Variants in EPHA6 observed in about 807,000 individuals in gnomAD.
EPHA6 encodes EPH receptor A6.
In EPHA6, 50 loss-of-function variants were observed where a neutral mutation model predicts 112.0. The ratio of observed to expected loss-of-function variants is 0.45; its 90% CI spans 0.36 to 0.56. The LOEUF (loss-of-function observed/expected upper bound fraction) is 0.56, where lower values mean the gene tolerates loss of function less well. Among genes scored for constraint, EPHA6 ranks in the 20% least tolerant of loss-of-function variants. The pLI, the probability that EPHA6 is intolerant of heterozygous loss-of-function variation, is 0.00. For synonymous variants in EPHA6, 529 were observed against 490.7 expected (o/e 1.08, Z -1.03); for missense variants, 1,280 against 1,417.4 (o/e 0.90, Z 1.56).
chr3:97,187,325 C>G (rs1009594840), intron 3 of EPHA6, among the ~76,000 whole-genome samples: 14 of 151,856 alleles, frequency 9.2e-5, no homozygotes, highest in Admixed American at 8.5e-4. Context: ...CGCCTGTATT[C>G]CCAGCACATT....
chr3:96,863,474 T>C (rs533895977), intron 1 of EPHA6, among the ~76,000 whole-genome samples: 1 of 152,128 alleles, frequency 6.6e-6, no homozygotes, highest in East Asian at 1.9e-4. Context: ...TATTGAAATA[T>C]AATTCACCTG....
At chr3:97,378,491 C>T (rs1170345842) in intron 5 of EPHA6, among the ~76,000 whole-genome samples, 1 of 152,168 alleles carries the variant, frequency 6.6e-6, no homozygotes. Flanking sequence ...ATCCTCCAGA[C>T]CCCAGAATGG....
chr3:97,467,764 G>A (rs1435759362), intron 7 of EPHA6, among the ~76,000 whole-genome samples: 2 of 151,592 alleles, frequency 1.3e-5, no homozygotes, highest in Admixed American at 6.6e-5. Context: ...CGTAGTTTCA[G>A]GTGTTTAAAT....
At chr3:96,879,935 T>A (rs188834843) in intron 2 of EPHA6, among the ~76,000 whole-genome samples, 14 of 152,086 alleles carry the variant, frequency 9.2e-5, no homozygotes, top group Admixed American at 9.2e-4. Context: ...AGGTATAAGA[T>A]GATATCATCA....
At chr3:97,067,537 A>AAAAT (rs367854738) in intron 3 of EPHA6, among the ~76,000 whole-genome samples, 15 of 148,016 alleles carry the variant, frequency 1.0e-4, no homozygotes, top group African/African-American at 3.7e-4. Flanking sequence ...TTATCAGGAA[A>AAAAT]ATATATATAT....
At chr3:97,444,159 G>T (rs971170414) in intron 6 of EPHA6, among the ~76,000 whole-genome samples, 5 of 151,980 alleles carry the variant, frequency 3.3e-5, no homozygotes, top group Non-Finnish European at 5.9e-5. Context: ...TATGATTGTT[G>T]TTATATCTTT....
At chr3:97,220,034 CA>C (rs1312671502) in intron 3 of EPHA6, among the ~76,000 whole-genome samples, 1 of 152,216 alleles carries the variant, frequency 6.6e-6, no homozygotes, top group Non-Finnish European at 1.5e-5. Context: ...ATCTCTAGGA[CA>C]GGAGCAAAAT....
chr3:96,904,902 A>G (rs957445975), intron 2 of EPHA6, among the ~76,000 whole-genome samples: 2 of 152,250 alleles, frequency 1.3e-5, no homozygotes, highest in Admixed American at 6.6e-5. Flanking sequence ...AAAATTGTAA[A>G]CGGACAACAC....
At chr3:97,306,187 A>C (rs1002060350) in intron 5 of EPHA6, among the ~76,000 whole-genome samples, 1 of 151,862 alleles carries the variant, frequency 6.6e-6, no homozygotes, top group African/African-American at 2.4e-5. Context: ...TCCCTCTATC[A>C]TGTGTAGGAA....
At chr3:96,889,827 T>C (rs2037849535) in intron 2 of EPHA6, among the ~76,000 whole-genome samples, 2 of 152,168 alleles carry the variant, frequency 1.3e-5, no homozygotes, top group South Asian at 2.1e-4. Context: ...GGTGCAGGGA[T>C]AGACAAATTT....
chr3:97,119,376 G>A (rs2047980267), intron 3 of EPHA6, among the ~76,000 whole-genome samples: 1 of 151,974 alleles, frequency 6.6e-6, no homozygotes, highest in South Asian at 2.1e-4. Context: ...TGATGAAATA[G>A]ACAAAATGAT....
At chr3:96,985,007 C>T (rs765142141) in intron 2 of EPHA6, among the ~76,000 whole-genome samples, 14 of 152,290 alleles carry the variant, frequency 9.2e-5, no homozygotes, top group East Asian at 5.8e-4. Flanking sequence ...CTGGGTGAGG[C>T]GATGCTTCGC....
intron 14 of EPHA6, among the ~76,000 whole-genome samples, chr3:97,694,133 C>T (rs1222399368): frequency 6.6e-6 from 1 of 152,134 alleles, no homozygotes; most frequent in Non-Finnish European, 1.5e-5. Context: ...AACCTAGTTT[C>T]TAGTTCTATT....
chr3:96,945,552 T>G lies in EPHA6; in HGVS notation c.451-41778T>G, dbSNP rs1292385604. On this transcript the variant is annotated intron_variant, in intron 2 of 17. Transcript: ENST00000389672. ...ACCTGTGTTACTTTGGTCAGGTCAC[T>G]TAACAATTCCATATGTAGTTTTCTC... Among the ~76,000 whole-genome samples, 5 of 152,230 alleles carry G rather than the reference T, an allele frequency of 3.3e-5. 1 individual carries two copies. The highest frequency in any genetic ancestry group is 1.5e-5 in the Non-Finnish European group (1 of 68,026).
Position 96,915,351 on chromosome 3 carries a change from T to C in EPHA6, c.450+48462T>C, listed in dbSNP as rs1318264049. Among the ~76,000 whole-genome samples, 4 of 152,112 alleles carry C rather than the reference T, an allele frequency of 2.6e-5. No homozygotes were observed. The South Asian group carries it at 6.2e-4, about 24-fold the overall frequency. ...TAAAGTAATTTAGGCTATTTTTCTA[T>C]ACCTAAAGTAAACCATTGTTCCCTA... On this transcript the variant is annotated intron_variant, in intron 2 of 17. Coordinates refer to ENST00000389672, the MANE Select transcript of EPHA6 (RefSeq NM_001080448.3).
intron 14 of EPHA6, among the ~76,000 whole-genome samples, chr3:97,712,640 CACTT>C (rs371740254): frequency 9.4e-4 from 143 of 152,276 alleles, no homozygotes; most frequent in African/African-American, 3.3e-3. Flanking sequence ...TAGTGTTACT[CACTT>C]AATGATGTAG....
At chr3:97,052,088 G>A (rs1489449168) in intron 3 of EPHA6, among the ~76,000 whole-genome samples, 4 of 152,072 alleles carry the variant, frequency 2.6e-5, no homozygotes, top group Non-Finnish European at 4.4e-5. Context: ...TTATAGATGA[G>A]GAACAGAGAC....
intron 2 of EPHA6, among the ~76,000 whole-genome samples, chr3:96,886,561 G>A (rs984624783): frequency 6.6e-6 from 1 of 152,116 alleles, no homozygotes; most frequent in Non-Finnish European, 1.5e-5. Flanking sequence ...TTAAGTTTGT[G>A]TGAGTTCTTA....
chr3:97,598,127 TTTTA>T (rs1291785010), intron 12 of EPHA6, among the ~76,000 whole-genome samples: 1 of 151,986 alleles, frequency 6.6e-6, no homozygotes, highest in Non-Finnish European at 1.5e-5. Context: ...TAGTACCCAT[TTTTA>T]TTTTTTATTT....
Sources: allele counts gnomAD v4.1 joint callset (sites outside exome capture counted in the v4.1 genomes callset), GRCh38; gene constraint gnomAD v4.1.1; transcripts MANE v1.5; gene names NCBI Gene and HGNC (gene_info 2026-07-23, HGNC 2026-07-21).